KCNN2: variants seen among roughly 807,000 people sequenced by gnomAD.
KCNN2 encodes small conductance calcium-activated potassium channel protein 2.
A neutral mutation model predicts 55.5 loss-of-function variants in KCNN2; 24 were observed. The observed-to-expected ratio is 0.43, with a 90% CI of 0.31 to 0.61. The LOEUF is 0.61. Ranked by LOEUF, KCNN2 falls within the 20% of genes least tolerant of loss-of-function variation. The pLI, the probability that KCNN2 is intolerant of heterozygous loss-of-function variation, is 0.08. For missense variants in KCNN2, 754 were observed against 853.6 expected, an observed-to-expected ratio of 0.88 and a Z score of 1.45; for synonymous variants, 431 against 336.1, an observed-to-expected ratio of 1.28 and a Z score of -3.09.
At chr5:114,250,273 T>C (rs761180187) in intron 2 of KCNN2, among the ~76,000 whole-genome samples, 1 of 152,174 alleles carries the variant, frequency 6.6e-6, no homozygotes, top group Non-Finnish European at 1.5e-5. Context: ...AAAGTCAGCA[T>C]GATTCTCTGT....
chr5:114,241,595 A>T (rs1754621242), intron 2 of KCNN2, among the ~76,000 whole-genome samples: 1 of 150,960 alleles, frequency 6.6e-6, no homozygotes, highest in Non-Finnish European at 1.5e-5. Context: ...TGTGGAAAAG[A>T]AAAAGCTAAG....
chr5:114,240,725 C>T (rs534053586), intron 2 of KCNN2, among the ~76,000 whole-genome samples: 78 of 152,114 alleles, frequency 5.1e-4, no homozygotes, highest in Admixed American at 1.8e-3. Context: ...TCACTGTGCC[C>T]GGCCTCAAAT....
chr5:114,328,177 A>G (rs1756746604), intron 2 of KCNN2, among the ~76,000 whole-genome samples: 1 of 152,192 alleles, frequency 6.6e-6, no homozygotes, highest in Non-Finnish European at 1.5e-5. Context: ...CTGTGGTATA[A>G]CCAGAGTCCT....
At chr5:114,398,261 C>G (rs574952017) in intron 2 of KCNN2, among the ~76,000 whole-genome samples, 7 of 152,246 alleles carry the variant, frequency 4.6e-5, no homozygotes, top group African/African-American at 1.7e-4. Context: ...AGCCGGTTTT[C>G]CCAGTACCAT....
chr5:114,379,619 A>G (rs1411745749), intron 2 of KCNN2, among the ~76,000 whole-genome samples: 1 of 97,970 alleles, frequency 1.0e-5, no homozygotes, highest in East Asian at 2.1e-4. Flanking sequence ...AATATATTAT[A>G]TAACATATTA....
At chr5:114,210,005 T>A (rs1292774455) in intron 1 of KCNN2, among the ~76,000 whole-genome samples, 2 of 152,208 alleles carry the variant, frequency 1.3e-5, no homozygotes, top group Non-Finnish European at 2.9e-5. Flanking sequence ...TTGCCTCATG[T>A]GCGTGTTCCT....
chr5:114,264,258 C>T (rs777813028), intron 2 of KCNN2, among the ~76,000 whole-genome samples: 1 of 152,114 alleles, frequency 6.6e-6, no homozygotes, highest in South Asian at 2.1e-4. Context: ...AAAATTCATT[C>T]TGGTACCCTT....
At chr5:114,367,482 A>G (rs1232438784) in intron 2 of KCNN2, among the ~76,000 whole-genome samples, 1 of 152,238 alleles carries the variant, frequency 6.6e-6, no homozygotes, top group East Asian at 1.9e-4. Flanking sequence ...AAATGAACAC[A>G]TAAATTTTAA....
At chr5:114,207,105 G>A (rs755634165) in intron 1 of KCNN2, among the ~76,000 whole-genome samples, 43 of 152,136 alleles carry the variant, frequency 2.8e-4, no homozygotes, top group South Asian at 8.3e-4. Flanking sequence ...AGCTGTTATC[G>A]ATGGGAGCTG....
intron 3 of KCNN2, among the ~76,000 whole-genome samples, chr5:114,437,065 GTA>G (rs1760032382): frequency 6.6e-6 from 1 of 151,964 alleles, no homozygotes; most frequent in Admixed American, 6.6e-5. Flanking sequence ...TTGTGTGTGT[GTA>G]TGCGTGCATG....
At chr5:114,194,342 C>T (rs191606252) in intron 1 of KCNN2, among the ~76,000 whole-genome samples, 1 of 152,054 alleles carries the variant, frequency 6.6e-6, no homozygotes, top group African/African-American at 2.4e-5. Flanking sequence ...TCCAATTTCT[C>T]CACATTTTGC....
At chr5:114,348,792 C>T (rs574211562) in intron 2 of KCNN2, among the ~76,000 whole-genome samples, 2 of 152,210 alleles carry the variant, frequency 1.3e-5, no homozygotes, top group East Asian at 3.9e-4. Context: ...TCTTCCTAAT[C>T]TTATAGATCA....
chr5:114,304,423 C>T (rs1756227800), intron 2 of KCNN2, among the ~76,000 whole-genome samples: 1 of 152,204 alleles, frequency 6.6e-6, no homozygotes, highest in Non-Finnish European at 1.5e-5. Flanking sequence ...TTGATTGCTA[C>T]TGAGCCTACC....
chr5:114,481,429 T>C (rs1198034300), intron 5 of KCNN2, among the ~76,000 whole-genome samples: 1 of 152,090 alleles, frequency 6.6e-6, no homozygotes, highest in African/African-American at 2.4e-5. Flanking sequence ...CCCATGCTCA[T>C]AGATAACAAT....
chr5:114,266,323 A>G (rs181116091), intron 2 of KCNN2, among the ~76,000 whole-genome samples: 50 of 152,254 alleles, frequency 3.3e-4, no homozygotes, highest in Non-Finnish European at 5.1e-4. Context: ...AGAATGCTCT[A>G]TCTTATGTAT....
At chr5:114,394,371 A>G (rs935531366) in intron 2 of KCNN2, among the ~76,000 whole-genome samples, 1 of 152,098 alleles carries the variant, frequency 6.6e-6, no homozygotes, top group East Asian at 1.9e-4. Context: ...ACTTTTATGT[A>G]TTAGGGAGGT....
chr5:114,455,237 T>C lies in KCNN2; in HGVS notation c.1638-7812T>C, dbSNP rs1001972454. 4.6e-5 allele frequency among the ~76,000 whole-genome samples: 7 copies of C among 152,344 alleles called. No individual in the cohort carries two copies. In the East Asian group the frequency reaches 1.4e-3, roughly 29 times the overall value. On this transcript the variant is annotated intron_variant, in intron 3 of 7. Coordinates refer to ENST00000673685, the MANE Select transcript of KCNN2 (RefSeq NM_021614.4). ...TAGGCGATCAGCATCATTTTTTCCA[T>C]AGCACATGCTCAGTTGGTGTCTTTG...
chr5:114,295,872 A>G (rs999455533), intron 2 of KCNN2, among the ~76,000 whole-genome samples: 5 of 145,376 alleles, frequency 3.4e-5, no homozygotes, highest in Non-Finnish European at 6.0e-5. Context: ...CATTTAAATT[A>G]AAATTTGAAA....
At position 114,362,658 on chromosome 5, in the gene KCNN2, C is replaced by T; in HGVS notation, c.519C>T (p.Leu173=). 1.5e-6 allele frequency: 2 copies of T among 1,371,984 alleles called. No individual in the cohort carries two copies. Among genetic ancestry groups the T allele is most frequent in the South Asian group, 1.5e-5 (1 of 66,456 alleles). 85.0% of individuals were successfully genotyped at this position (1,371,984 alleles called of 1,614,324 possible). A position where few individuals can be genotyped will look rare whatever the true frequency, so the allele number is the denominator to read the frequency against. The change falls in exon 1 of 8, where the codon CTC becomes CTT. Residue 173 remains leucine, a synonymous_variant. Coordinates refer to ENST00000673685, the MANE Select transcript of KCNN2 (RefSeq NM_021614.4). Reference sequence around the variant, plus strand: ...CCGCCGCCAGCCCCACGGGCAGCCTCGGCAGTCTGGGCTCCGGGCCCCCGC... The same window carrying T: ...CCGCCGCCAGCCCCACGGGCAGCCTTGGCAGTCTGGGCTCCGGGCCCCCGC... ...LQPAASPTGS[L]GSLGSGPPLS...
Sources: allele counts gnomAD v4.1 joint callset (sites outside exome capture counted in the v4.1 genomes callset), GRCh38; gene constraint gnomAD v4.1.1; transcripts MANE v1.5; gene names NCBI Gene and HGNC (gene_info 2026-07-23, HGNC 2026-07-21).